CNBD1: variants seen among roughly 807,000 people sequenced by gnomAD.
The protein encoded by CNBD1 is cyclic nucleotide binding domain containing 1, also known as cyclic nucleotide-binding domain-containing protein 1.
In CNBD1, 71 loss-of-function variants were observed where a neutral mutation model predicts 54.4. The ratio of observed to expected loss-of-function variants is 1.30; its 90% CI spans 1.08 to 1.59. The LOEUF is 1.59. CNBD1 is among the 40% of genes most tolerant of loss of function. The pLI is 0.00. For synonymous variants in CNBD1, 182 were observed against 170.7 expected (o/e 1.07, Z -0.51); for missense variants, 659 against 518.0 (o/e 1.27, Z -2.64).
At position 87,169,335 on chromosome 8, in the gene CNBD1, T is replaced by C. The variant is rs117936758; in HGVS notation, c.432-36658T>C. On this transcript the variant is annotated intron_variant, in intron 4 of 10. Coordinates refer to ENST00000518476, the MANE Select transcript of CNBD1 (RefSeq NM_173538.3). Reference sequence around the variant, plus strand: ...ATTCTGGTTATTAATCCCCTGCAGATATTTTCTCCCATTCTTTGGGTTGAT... The same window carrying C: ...ATTCTGGTTATTAATCCCCTGCAGACATTTTCTCCCATTCTTTGGGTTGAT... 6.9e-4 allele frequency among the ~76,000 whole-genome samples: 105 copies of C among 152,160 alleles called. No homozygotes were observed. The East Asian group carries it at 0.018, about 26-fold the overall frequency.
rs181663162 is a variant in CNBD1 at position 87,328,991 on chromosome 8, A to G, written c.1043-22694A>G. On this transcript the variant is annotated intron_variant, in intron 8 of 10. Coordinates refer to ENST00000518476, the MANE Select transcript of CNBD1 (RefSeq NM_173538.3). ...AAACCCAAGGCCATCTAGATTTTCTATCTTCTAGGAGTTATTCCTTCCTAG... is the reference window on the plus strand; with the variant it reads ...AAACCCAAGGCCATCTAGATTTTCTGTCTTCTAGGAGTTATTCCTTCCTAG... Among the ~76,000 whole-genome samples the G allele has an allele frequency of 1.6e-3, 251 of 152,136 alleles. 4 individuals are homozygous for G. In the Middle Eastern group the frequency reaches 0.031, roughly 19 times the overall value.
intron 2 of CNBD1, among the ~76,000 whole-genome samples, chr8:87,417,057 C>T (rs1807850310): frequency 6.6e-6 from 1 of 151,858 alleles, no homozygotes; most frequent in Admixed American, 6.6e-5. Flanking sequence ...GAACAAAACC[C>T]ACTGTATTAG....
intron 4 of CNBD1, among the ~76,000 whole-genome samples, chr8:87,048,557 A>C (rs553128393): frequency 2.0e-5 from 3 of 152,196 alleles, no homozygotes; most frequent in African/African-American, 4.8e-5. Context: ...GGTAACAGAC[A>C]TCTTAAATGA....
At chr8:87,306,776 G>C (rs868382136) in intron 8 of CNBD1, among the ~76,000 whole-genome samples, 5 of 151,878 alleles carry the variant, frequency 3.3e-5, no homozygotes, top group Non-Finnish European at 5.9e-5. Flanking sequence ...GTGGGAGGGG[G>C]GTGAGGGATA....
intron 2 of CNBD1, among the ~76,000 whole-genome samples, chr8:87,389,978 A>C (rs1811274576): frequency 6.7e-6 from 1 of 150,148 alleles, no homozygotes; most frequent in Admixed American, 6.7e-5. Context: ...GACAAACCTG[A>C]GAAAAACAAG....
chr8:87,389,868 C>T (rs1811271673), intron 2 of CNBD1, among the ~76,000 whole-genome samples: 1 of 152,148 alleles, frequency 6.6e-6, no homozygotes, highest in Non-Finnish European at 1.5e-5. Flanking sequence ...CTACAGTAAC[C>T]AAAACAGCAT....
chr8:86,975,981 G>A (rs1808331876), intron 4 of CNBD1, among the ~76,000 whole-genome samples: 1 of 151,772 alleles, frequency 6.6e-6, no homozygotes, highest in Admixed American at 6.6e-5. Flanking sequence ...CTGATGGTTA[G>A]TAATGCTGAA....
At chr8:87,369,301 G>T (rs1469718465) in intron 10 of CNBD1, among the ~76,000 whole-genome samples, 1 of 151,880 alleles carries the variant, frequency 6.6e-6, no homozygotes, top group Non-Finnish European at 1.5e-5. Context: ...CTACCATTCC[G>T]TACATGCTGT....
intron 4 of CNBD1, among the ~76,000 whole-genome samples, chr8:87,189,928 T>G (rs1813562402): frequency 6.6e-6 from 1 of 152,142 alleles, no homozygotes; most frequent in Non-Finnish European, 1.5e-5. Flanking sequence ...AGGAAAAGAA[T>G]TTTACAGTAG....
intron 4 of CNBD1, among the ~76,000 whole-genome samples, chr8:87,189,803 T>C (rs1813560383): frequency 6.6e-6 from 1 of 152,184 alleles, no homozygotes; most frequent in Non-Finnish European, 1.5e-5. Context: ...TCAATTGTTA[T>C]TCTGTTCATT....
chr8:86,990,649 A>G (rs926999883), intron 4 of CNBD1, among the ~76,000 whole-genome samples: 1 of 151,634 alleles, frequency 6.6e-6, no homozygotes, highest in African/African-American at 2.4e-5. Flanking sequence ...TGTTCTTTTC[A>G]CTCAGGATAT....
intron 8 of CNBD1, among the ~76,000 whole-genome samples, chr8:87,302,038 C>A (rs1809009703): frequency 6.6e-6 from 1 of 152,134 alleles, no homozygotes; most frequent in Non-Finnish European, 1.5e-5. Context: ...GACGGATTCA[C>A]AGCCGAATTC....
chr8:87,426,490 C>T (rs915524510), intron 2 of CNBD1, among the ~76,000 whole-genome samples: 1 of 152,162 alleles, frequency 6.6e-6, no homozygotes, highest in Non-Finnish European at 1.5e-5. Flanking sequence ...GAGAGAAATT[C>T]TGCACAATTC....
intron 2 of CNBD1, among the ~76,000 whole-genome samples, chr8:87,418,000 C>T (rs1442563806): frequency 1.3e-5 from 2 of 151,780 alleles, no homozygotes; most frequent in Non-Finnish European, 2.9e-5. Flanking sequence ...ACAGATTTGC[C>T]ATAATTCCTA....
chr8:86,903,032 A>G (rs149211180), intron 2 of CNBD1, among the ~76,000 whole-genome samples: 284 of 152,238 alleles, frequency 1.9e-3, no homozygotes, highest in African/African-American at 6.5e-3. Context: ...GACATAGAAT[A>G]TAAATTATAG....
intron 5 of CNBD1, among the ~76,000 whole-genome samples, chr8:87,216,839 C>T (rs886969748): frequency 6.6e-6 from 1 of 152,128 alleles, no homozygotes; most frequent in Non-Finnish European, 1.5e-5. Flanking sequence ...ATCAAAGAGC[C>T]TTCACTAGAA....
chr8:87,394,401 C>T (rs145128342), intron 2 of CNBD1, among the ~76,000 whole-genome samples: 13 of 151,962 alleles, frequency 8.6e-5, no homozygotes, highest in East Asian at 5.8e-4. Context: ...ATCCCAGACA[C>T]GAACCAACTT....
chr8:87,176,446 C>T (rs929329461), intron 4 of CNBD1, among the ~76,000 whole-genome samples: 3 of 151,486 alleles, frequency 2.0e-5, no homozygotes, highest in African/African-American at 7.3e-5. Context: ...ATAATTCTTA[C>T]TAGGGATATT....
intron 4 of CNBD1, among the ~76,000 whole-genome samples, chr8:87,119,792 G>T (rs1166715441): frequency 6.6e-6 from 1 of 151,922 alleles, no homozygotes; most frequent in African/African-American, 2.4e-5. Flanking sequence ...TATAGTGAAG[G>T]GATGTTGAAA....
Sources: gnomAD v4.1 joint callset for allele counts (sites outside exome capture counted in the v4.1 genomes callset) on GRCh38, gnomAD v4.1.1 for gene constraint, MANE v1.5 for transcripts, NCBI Gene and HGNC (gene_info 2026-07-23, HGNC 2026-07-21) for gene names.